Variants in ACTR3C observed in about 807,000 individuals in gnomAD.
ACTR3C encodes the protein actin related protein 3C, also known as actin-related protein 3C.
In ACTR3C, 18 loss-of-function variants were observed where a neutral mutation model predicts 26.3. That is an observed-to-expected ratio of 0.68 (90% CI 0.47 to 1.01). The LOEUF is 1.01. ACTR3C is among the 50% of genes least tolerant of loss of function. The probability of loss-of-function intolerance (pLI) is 0.00; values close to 1 mark genes in which losing one functional copy is unlikely to be tolerated. For missense variants in ACTR3C, 184 were observed against 250.7 expected (o/e 0.73, Z 1.80); for synonymous variants, 55 against 94.5 (o/e 0.58, Z 2.42).
chr7:150,234,489 T>A, the ACTR3C span, among the ~76,000 whole-genome samples: 5 of 152,152 alleles, frequency 3.3e-5, no homozygotes, highest in African/African-American at 1.2e-4. Flanking sequence ...TTGGTGGGGC[T>A]TCTGGAGGTA....
chr7:150,193,983 C>T, the ACTR3C span, among the ~76,000 whole-genome samples: 1 of 138,194 alleles, frequency 7.2e-6, no homozygotes, highest in Non-Finnish European at 1.5e-5. Context: ...AATACACATA[C>T]ACACACAGAC....
chr7:150,127,363 G>A, the ACTR3C span, among the ~76,000 whole-genome samples: 29 of 152,220 alleles, frequency 1.9e-4, no homozygotes, highest in African/African-American at 6.5e-4. Context: ...CCCCAGTCTT[G>A]CCCACAGGAC....
At chr7:150,028,695 C>T in the ACTR3C span, among the ~76,000 whole-genome samples, 1 of 152,184 alleles carries the variant, frequency 6.6e-6, no homozygotes, top group African/African-American at 2.4e-5. Flanking sequence ...AAGAAACCCC[C>T]ACACTCATCC....
At chr7:149,883,250 G>T in the ACTR3C span, among the ~76,000 whole-genome samples, 1 of 152,266 alleles carries the variant, frequency 6.6e-6, no homozygotes, top group East Asian at 1.9e-4. Flanking sequence ...GCTAGGGTTG[G>T]TCCAGTCTCT....
At chr7:149,898,975 G>C in the ACTR3C span, among the ~76,000 whole-genome samples, 1 of 151,760 alleles carries the variant, frequency 6.6e-6, no homozygotes, top group African/African-American at 2.4e-5. Context: ...ACATACCACA[G>C]TCCCCACTTC....
the ACTR3C span, among the ~76,000 whole-genome samples, chr7:149,926,286 T>C: frequency 6.6e-6 from 1 of 152,200 alleles, no homozygotes; most frequent in Non-Finnish European, 1.5e-5. Flanking sequence ...CAGAAGAAAG[T>C]TAATGGGCCT....
the ACTR3C span, among the ~76,000 whole-genome samples, chr7:149,962,339 T>C: frequency 6.6e-6 from 1 of 152,136 alleles, no homozygotes; most frequent in Non-Finnish European, 1.5e-5. Flanking sequence ...AGAGGAAGCA[T>C]GCAGGGCCAG....
the ACTR3C span, among the ~76,000 whole-genome samples, chr7:149,937,091 T>G: frequency 2.0e-5 from 3 of 152,140 alleles, no homozygotes; most frequent in South Asian, 6.2e-4. Flanking sequence ...CGACTGGCCA[T>G]CTGATTTTTT....
chr7:150,035,318 A>T, the ACTR3C span, among the ~76,000 whole-genome samples: 2 of 55,576 alleles, frequency 3.6e-5, 1 homozygote, highest in African/African-American at 1.1e-4. Context: ...TGGGGGTACC[A>T]ACAGCCAGGG....
the ACTR3C span, among the ~76,000 whole-genome samples, chr7:150,141,836 T>A: frequency 6.6e-6 from 1 of 151,884 alleles, no homozygotes; most frequent in African/African-American, 2.4e-5. Flanking sequence ...TCTTGAGGGT[T>A]TTTTTAATGT....
chr7:150,014,139 C>T, the ACTR3C span, among the ~76,000 whole-genome samples: 16 of 152,234 alleles, frequency 1.1e-4, no homozygotes, highest in South Asian at 1.0e-3. Flanking sequence ...ACCAACTCCT[C>T]GCTAATCCAA....
chr7:150,047,546 C>T, the ACTR3C span: 148 of 899,702 alleles, frequency 1.6e-4, no homozygotes, highest in Non-Finnish European at 1.6e-4. Flanking sequence ...CCGGCCGACG[C>T]GTCTCGCTGC....
At chr7:150,046,251 AAAAC>A in the ACTR3C span, among the ~76,000 whole-genome samples, 3 of 151,282 alleles carry the variant, frequency 2.0e-5, no homozygotes, top group East Asian at 5.9e-4. Context: ...CTTCATTCAT[AAAAC>A]AAAAACTACC....
chr7:150,049,352 T>A, the ACTR3C span, among the ~76,000 whole-genome samples: 1 of 152,090 alleles, frequency 6.6e-6, no homozygotes, highest in Non-Finnish European at 1.5e-5. Flanking sequence ...GGGAAGGACC[T>A]ATCACATCCA....
intron 1 of ACTR3C, among the ~76,000 whole-genome samples, chr7:150,322,464 T>C (rs768701551): frequency 6.6e-6 from 1 of 152,216 alleles, no homozygotes; most frequent in Non-Finnish European, 1.5e-5. Flanking sequence ...TTATAATGCA[T>C]TAGCATGCTA....
the ACTR3C span, among the ~76,000 whole-genome samples, chr7:150,054,205 A>G: frequency 6.6e-6 from 1 of 152,222 alleles, no homozygotes; most frequent in South Asian, 2.1e-4. Flanking sequence ...CTGAACACTC[A>G]TCTTTGAGTT....
chr7:149,904,645 C>G, the ACTR3C span, among the ~76,000 whole-genome samples: 3 of 139,376 alleles, frequency 2.2e-5, no homozygotes, highest in Non-Finnish European at 4.8e-5. Flanking sequence ...TAGGAATACT[C>G]AATTCGTATC....
At chr7:150,060,562 A>G in the ACTR3C span, among the ~76,000 whole-genome samples, 1 of 152,296 alleles carries the variant, frequency 6.6e-6, no homozygotes, top group African/African-American at 2.4e-5. Flanking sequence ...AATTCAGCCA[A>G]CTGCAAAAAT....
At chr7:150,160,693 C>T in the ACTR3C span, among the ~76,000 whole-genome samples, 1 of 151,824 alleles carries the variant, frequency 6.6e-6, no homozygotes, top group Admixed American at 6.6e-5. Flanking sequence ...TATGAAATCT[C>T]ATCCCTGAAT....
Sources: allele counts gnomAD v4.1 joint callset (sites outside exome capture counted in the v4.1 genomes callset), GRCh38; gene constraint gnomAD v4.1.1; transcripts MANE v1.5; gene names NCBI Gene and HGNC (gene_info 2026-07-23, HGNC 2026-07-21).